The following ULK4 variants were observed in gnomAD, a reference collection of about 807,000 sequenced individuals.
The protein encoded by ULK4 is unc-51 like kinase 4, also known as inactive serine/threonine-protein kinase ULK4.
In ULK4, 133 loss-of-function variants were observed where a neutral mutation model predicts 160.6. The observed-to-expected ratio is 0.83, with a 90% CI of 0.72 to 0.96. ULK4 has a LOEUF of 0.96. ULK4 is among the 40% of genes least tolerant of loss of function. The pLI, the probability that ULK4 is intolerant of heterozygous loss-of-function variation, is 0.00. For missense variants in ULK4, 1,580 were observed against 1,499.5 expected (o/e 1.05, Z -0.89); for synonymous variants, 534 against 539.8 (o/e 0.99, Z 0.15).
At chr3:41,546,767 TAAAAAAAA>T (rs1158675738) in intron 32 of ULK4, among the ~76,000 whole-genome samples, 7 of 32,538 alleles carry the variant, frequency 2.2e-4, no homozygotes, top group Non-Finnish European at 1.4e-4. Context: ...CCTAGGCCCT[TAAAAAAAA>T]AAAAAAAAAA....
intron 31 of ULK4, among the ~76,000 whole-genome samples, chr3:41,567,039 A>G (rs1559400725): frequency 6.6e-6 from 1 of 152,142 alleles, no homozygotes; most frequent in African/African-American, 2.4e-5. Flanking sequence ...CCCATTCACC[A>G]TGACTATTCT....
At chr3:41,719,322 A>T (rs1028548429) in intron 22 of ULK4, among the ~76,000 whole-genome samples, 1 of 152,086 alleles carries the variant, frequency 6.6e-6, no homozygotes, top group African/African-American at 2.4e-5. Context: ...TTAAATTACC[A>T]CTTATCTATA....
chr3:41,605,074 A>G (rs2032308457), intron 31 of ULK4, among the ~76,000 whole-genome samples: 1 of 152,022 alleles, frequency 6.6e-6, no homozygotes, highest in Non-Finnish European at 1.5e-5. Context: ...GGAGGTGACT[A>G]TTACATCAAC....
intron 27 of ULK4, among the ~76,000 whole-genome samples, chr3:41,692,014 C>G (rs1469546148): frequency 7.7e-6 from 1 of 130,622 alleles, no homozygotes; most frequent in Non-Finnish European, 1.5e-5. Context: ...TGCAGTAGTG[C>G]GATCTCAGCT....
At chr3:41,553,356 T>C (rs2087151891) in intron 32 of ULK4, among the ~76,000 whole-genome samples, 1 of 152,084 alleles carries the variant, frequency 6.6e-6, no homozygotes, top group Non-Finnish European at 1.5e-5. Flanking sequence ...GCTATTCATC[T>C]GACAAGGAAC....
intron 30 of ULK4, among the ~76,000 whole-genome samples, chr3:41,661,364 G>A (rs983959988): frequency 6.6e-6 from 1 of 151,928 alleles, no homozygotes; most frequent in Non-Finnish European, 1.5e-5. Flanking sequence ...CAATCACCAC[G>A]AAGTGAATTT....
In ULK4 at chr3:41,469,602, C is replaced by CAAAAAAAAAAAA. The variant is rs71616008; in HGVS notation, c.3227-6361_3227-6350dup. On this transcript the variant is annotated intron_variant, in intron 32 of 36. Transcript: ENST00000301831. ...TGAAAGAGTGAAGGCCTACACCTGC[C>CAAAAAAAAAAAA]AAAAAAAAAAAAAAAAAAAAAAAAA... 1.4e-3 allele frequency among the ~76,000 whole-genome samples: 16 copies of CAAAAAAAAAAAA among 11,314 alleles called. 1 individual carries two copies. The highest frequency in any genetic ancestry group is 0.01 in the South Asian group (2 of 196). The allele number at this position is 11,314 out of a possible 152,430, so 7.4% of individuals were successfully genotyped here.
At chr3:41,440,296 T>G (rs6599154) in intron 34 of ULK4, among the ~76,000 whole-genome samples, 48,732 of 151,918 alleles carry the variant, frequency 0.32, 8,060 homozygotes, top group African/African-American at 0.39. Context: ...TAGAAAGCGT[T>G]AAGGCTTCCA....
At chr3:41,800,015 ACT>A (rs1300657829) in intron 20 of ULK4, 115 bp downstream of exon 20, 30 of 1,034,564 alleles carry the variant, frequency 2.9e-5, no homozygotes, top group African/African-American at 1.3e-4. Context: ...TCTCAATATT[ACT>A]CTGAGATTTC....
At chr3:41,338,701 T>C (rs2080617260) in intron 35 of ULK4, among the ~76,000 whole-genome samples, 2 of 152,008 alleles carry the variant, frequency 1.3e-5, no homozygotes, top group South Asian at 4.2e-4. Context: ...CAGAGAAAAC[T>C]AGTAGGATAA....
At chr3:41,410,661 C>T (rs887659298) in intron 34 of ULK4, among the ~76,000 whole-genome samples, 13 of 152,072 alleles carry the variant, frequency 8.5e-5, no homozygotes, top group African/African-American at 3.1e-4. Context: ...TGTGAATTAT[C>T]GCTCAATAAA....
At chr3:41,376,580 A>G (rs2081502615) in intron 35 of ULK4, among the ~76,000 whole-genome samples, 1 of 149,748 alleles carries the variant, frequency 6.7e-6, no homozygotes, top group South Asian at 2.2e-4. Flanking sequence ...TACACCAATA[A>G]CAGACAAACA....
chr3:41,709,500 C>T (rs1002364142), intron 25 of ULK4, among the ~76,000 whole-genome samples: 1 of 152,128 alleles, frequency 6.6e-6, no homozygotes, highest in Non-Finnish European at 1.5e-5. Context: ...GATTTGCTTG[C>T]CTCAGCCTTC....
At chr3:41,568,264 G>T (rs1471661551) in intron 31 of ULK4, among the ~76,000 whole-genome samples, 1 of 152,196 alleles carries the variant, frequency 6.6e-6, no homozygotes, top group Non-Finnish European at 1.5e-5. Context: ...ACAAAATAGG[G>T]AACAGGATAA....
chr3:41,856,537 G>GTATATATATGTGTGTATATATATACACA (rs2042347385), intron 17 of ULK4, among the ~76,000 whole-genome samples: 1 of 87,830 alleles, frequency 1.1e-5, no homozygotes, highest in East Asian at 3.2e-4. Context: ...ATATATGTAT[G>GTATATATATGTGTGTATATATATACACA]TATATATATA....
chr3:41,259,093 CAT>C (rs2078895911), intron 35 of ULK4, among the ~76,000 whole-genome samples: 1 of 139,954 alleles, frequency 7.1e-6, no homozygotes, highest in African/African-American at 3.0e-5. Flanking sequence ...GATATATATA[CAT>C]ATATGTATAT....
intron 17 of ULK4, among the ~76,000 whole-genome samples, chr3:41,862,734 T>C (rs1343197930): frequency 6.6e-6 from 1 of 152,070 alleles, no homozygotes. Flanking sequence ...CTTCCCTTAC[T>C]TTCTCCCGAA....
intron 22 of ULK4, among the ~76,000 whole-genome samples, chr3:41,732,984 A>G (rs1408474520): frequency 6.6e-6 from 1 of 152,106 alleles, no homozygotes; most frequent in Non-Finnish European, 1.5e-5. Context: ...AGGACAGGGA[A>G]AGTTTGTACA....
chr3:41,511,061 G>A (rs2085556114), intron 32 of ULK4, among the ~76,000 whole-genome samples: 1 of 151,792 alleles, frequency 6.6e-6, no homozygotes, highest in South Asian at 2.1e-4. Flanking sequence ...TACTCGGGAG[G>A]CTGAGGCAGG....
Sources: gnomAD v4.1 joint callset for allele counts (sites outside exome capture counted in the v4.1 genomes callset) on GRCh38, gnomAD v4.1.1 for gene constraint, MANE v1.5 for transcripts, NCBI Gene and HGNC (gene_info 2026-07-23, HGNC 2026-07-21) for gene names.